XKR6: variants seen among roughly 807,000 people sequenced by gnomAD.
XKR6 encodes the protein XK-related protein 6.
In XKR6, 22 loss-of-function variants were observed where a neutral mutation model predicts 56.7. That is an observed-to-expected ratio of 0.39 (90% CI 0.28 to 0.55). The LOEUF (loss-of-function observed/expected upper bound fraction) is 0.55. Ranked by LOEUF, XKR6 falls within the 20% of genes least tolerant of loss-of-function variation. The pLI is 0.66. For synonymous variants in XKR6, 524 were observed against 387.8 expected (o/e 1.35, Z -4.13); for missense variants, 852 against 889.0 (o/e 0.96, Z 0.53).
At chr8:10,912,993 CAT>C (rs145679122) in intron 2 of XKR6, among the ~76,000 whole-genome samples, 83 of 143,386 alleles carry the variant, frequency 5.8e-4, no homozygotes, top group East Asian at 1.0e-3. Flanking sequence ...TATACACATA[CAT>C]ATATATATAT....
At chr8:11,097,030 T>C (rs1798282775) in intron 1 of XKR6, among the ~76,000 whole-genome samples, 1 of 152,188 alleles carries the variant, frequency 6.6e-6, no homozygotes, top group African/African-American at 2.4e-5. Flanking sequence ...TTCTCAAGTT[T>C]CAGTTCCATC....
rs1554509083 is a variant in XKR6 at position 10,915,346 on chromosome 8, A to AGCT, written c.961+9287_961+9288insAGC. On this transcript the variant is annotated intron_variant, in intron 2 of 2. Coordinates refer to ENST00000416569, the MANE Select transcript of XKR6 (RefSeq NM_173683.4). ...AGGCTTCTAAACTTGCCGTTGTCAG[A>AGCT]GCCCCCATGAAGCTACCTCGCTCAC... Among the ~76,000 whole-genome samples, 5 of 151,788 alleles carry AGCT rather than the reference A, an allele frequency of 3.3e-5. No individual in the cohort carries two copies. The East Asian group carries it at 5.8e-4, about 18-fold the overall frequency.
chr8:10,940,542 C>T (rs553577938), intron 1 of XKR6, among the ~76,000 whole-genome samples: 14 of 152,320 alleles, frequency 9.2e-5, no homozygotes, highest in Non-Finnish European at 1.5e-4. Flanking sequence ...GGCTGAGTTC[C>T]GCAGGGGAAA....
At chr8:10,964,636 C>G (rs1802162219) in intron 1 of XKR6, among the ~76,000 whole-genome samples, 1 of 152,196 alleles carries the variant, frequency 6.6e-6, no homozygotes, top group African/African-American at 2.4e-5. Context: ...TCCCAACAAT[C>G]AGCACCTGCC....
At chr8:11,143,746 T>C (rs1245252181) in intron 1 of XKR6, among the ~76,000 whole-genome samples, 1 of 152,192 alleles carries the variant, frequency 6.6e-6, no homozygotes, top group Non-Finnish European at 1.5e-5. Context: ...TGGTCCTGGA[T>C]GGTGGCTAAA....
intron 1 of XKR6, among the ~76,000 whole-genome samples, chr8:10,930,793 AG>A (rs1438576173): frequency 6.6e-6 from 1 of 152,242 alleles, no homozygotes; most frequent in Non-Finnish European, 1.5e-5. Context: ...ATGTAGATAA[AG>A]GGCATTTATG....
intron 1 of XKR6, among the ~76,000 whole-genome samples, chr8:11,045,746 A>G (rs1799396397): frequency 6.6e-6 from 1 of 152,120 alleles, no homozygotes; most frequent in Admixed American, 6.5e-5. Flanking sequence ...TCCCTTCCTT[A>G]TTGAATTTCC....
chr8:11,194,809 A>G (rs1381964876), intron 1 of XKR6: 3 of 336,116 alleles, frequency 8.9e-6, no homozygotes, highest in Admixed American at 9.1e-5. Context: ...TGTGACTTCT[A>G]GTAAGCACCT....
At chr8:11,047,104 T>A (rs1161409691) in intron 1 of XKR6, among the ~76,000 whole-genome samples, 1 of 152,198 alleles carries the variant, frequency 6.6e-6, no homozygotes, top group African/African-American at 2.4e-5. Flanking sequence ...GTTAATAACA[T>A]ATTGTCTACC....
chr8:11,019,773 G>C (rs1798708543), intron 1 of XKR6, among the ~76,000 whole-genome samples: 1 of 152,222 alleles, frequency 6.6e-6, no homozygotes, highest in Non-Finnish European at 1.5e-5. Context: ...CCAACCTTCA[G>C]CTAAAAGTAG....
intron 1 of XKR6, among the ~76,000 whole-genome samples, chr8:10,931,640 A>C (rs1563295580): frequency 1.3e-5 from 2 of 152,186 alleles, no homozygotes; most frequent in African/African-American, 4.8e-5. Flanking sequence ...GATAAAGACA[A>C]TTCAATGTTG....
At chr8:11,097,807 C>CAAAAAAAAAAAA (rs1196874380) in intron 1 of XKR6, among the ~76,000 whole-genome samples, 1 of 62,952 alleles carries the variant, frequency 1.6e-5, no homozygotes, top group African/African-American at 5.9e-5. Flanking sequence ...GACTCCATCT[C>CAAAAAAAAAAAA]AAAAAAAAAA....
At chr8:11,073,553 G>A (rs559275005) in intron 1 of XKR6, among the ~76,000 whole-genome samples, 3 of 152,248 alleles carry the variant, frequency 2.0e-5, no homozygotes, top group South Asian at 2.1e-4. Flanking sequence ...TTAGTCTTTC[G>A]CTGTAACATA....
rs10095140 is a variant in XKR6, at chr8:10,897,621, A to C, written c.*331T>G. Reference sequence around the variant, plus strand: ...TTTTTTTTCTTTTGGAGTGGAGATAACTCCTCCTTCTCCACCCTATGAACC... The same window carrying C: ...TTTTTTTTCTTTTGGAGTGGAGATACCTCCTCCTTCTCCACCCTATGAACC... On this transcript the variant is annotated 3_prime_UTR_variant, in exon 3 of 3. Coordinates refer to ENST00000416569, the MANE Select transcript of XKR6 (RefSeq NM_173683.4). 5,343 of 218,788 alleles carry C rather than the reference A, an allele frequency of 0.024. 236 individuals carry two copies. Among genetic ancestry groups the C allele is most frequent in the African/African-American group, 0.099 (4,324 of 43,606 alleles). 13.6% of individuals were successfully genotyped at this position (218,788 alleles called of 1,614,324 possible). A position where few individuals can be genotyped will look rare whatever the true frequency, so the allele number is the denominator to read the frequency against.
Position 11,200,891 on chromosome 8 carries a change from G to A in XKR6, c.449C>T (p.Ala150Val). The A allele has an allele frequency of 6.2e-7, 1 of 1,610,240 alleles. No homozygotes were observed. The highest frequency in any genetic ancestry group is 8.5e-7 in the Non-Finnish European group (1 of 1,179,258). The part of the protein sequence containing the change: ...FGDVGTDLWL[A>V]LDYYRKGDYV... The stretch of plus-strand genomic sequence containing the variant: ...GTCCCCCTTGCGGTAGTAGTCGAGG[G>A]CCAGCCACAGGTCGGTGCCCACGTC... Residue 150 changes from alanine (A) to valine (V), a missense_variant, in exon 1 of 3, where the codon GCC becomes GTC. By Grantham distance (64) the Ala-to-Val change is moderately conservative. Transcript: ENST00000416569. This position sits in a 1 kb window ranked among gnomAD's most constrained non-coding sequence, Gnocchi z 6.4.
rs76405130 is a variant in XKR6, at chr8:11,041,772, A to C, written c.765-116942T>G. On this transcript the variant is annotated intron_variant, in intron 1 of 2. Coordinates refer to ENST00000416569, the MANE Select transcript of XKR6 (RefSeq NM_173683.4). ...TCTGCCATCTGGCCCAGGCCAGGAT[A>C]GGGAAAATCCTGGGACCTTACGCTA... Among the ~76,000 whole-genome samples the C allele has an allele frequency of 4.5e-4, 69 of 152,352 alleles. No homozygotes were observed. The East Asian group carries it at 0.013, about 28-fold the overall frequency.
intron 1 of XKR6, among the ~76,000 whole-genome samples, chr8:11,026,115 T>A (rs1219413781): frequency 6.6e-6 from 1 of 152,150 alleles, no homozygotes; most frequent in Non-Finnish European, 1.5e-5. Context: ...CATCACAGAG[T>A]GAGTTACACA....
chr8:11,089,676 A>T (rs1026171507), intron 1 of XKR6, among the ~76,000 whole-genome samples: 3 of 152,214 alleles, frequency 2.0e-5, no homozygotes, highest in African/African-American at 7.2e-5. Context: ...AAATATAAAT[A>T]AAAGGTAATA....
chr8:11,140,104 G>A (rs148239029), intron 1 of XKR6, among the ~76,000 whole-genome samples: 150 of 151,240 alleles, frequency 9.9e-4, no homozygotes, highest in African/African-American at 3.5e-3. Context: ...AGAAACAGGC[G>A]GCTCGAAGAA....
Sources: allele counts gnomAD v4.1 joint callset (sites outside exome capture counted in the v4.1 genomes callset), GRCh38; gene constraint gnomAD v4.1.1; non-coding constraint Gnocchi (gnomAD v3.1); transcripts MANE v1.5; gene names NCBI Gene and HGNC (gene_info 2026-07-23, HGNC 2026-07-21).